RBFOX1: variants seen among roughly 807,000 people sequenced by gnomAD.
RBFOX1 encodes RNA binding protein fox-1 homolog 1.
Under a neutral mutation model 57.7 loss-of-function variants are expected in RBFOX1, and 8 were observed. That is an observed-to-expected ratio of 0.14 (90% CI 0.08 to 0.25). RBFOX1 has a LOEUF of 0.25. Among genes scored for constraint, RBFOX1 ranks in the 10% least tolerant of loss-of-function variants. The pLI is 1.00. For synonymous variants in RBFOX1, 326 were observed against 222.4 expected (o/e 1.47, Z -4.15); for missense variants, 611 against 548.5 (o/e 1.11, Z -1.14).
At position 5,946,206 on chromosome 16, in the gene RBFOX1, C is replaced by T. The variant is rs1441883811; in HGVS notation, c.351+78871C>T. Among the ~76,000 whole-genome samples, 4 of 152,202 alleles carry T rather than the reference C, an allele frequency of 2.6e-5. No individual in the cohort carries two copies. Among genetic ancestry groups the T allele is most frequent in the Non-Finnish European group, 5.9e-5 (4 of 68,046 alleles). ...GACGGCCCGAGGTGGGGGCCAGGCT[C>T]TGCCACATTAGATGCCTTCACGTCT... is the stretch of plus-strand genomic sequence containing the variant. On this transcript the variant is annotated intron_variant, in intron 4 of 19. Transcript: ENST00000641259. This position sits in a 1 kb window ranked among gnomAD's most constrained non-coding sequence, Gnocchi z 4.6.
At chr16:7,702,910 G>A (rs17768398) in intron 14 of RBFOX1, among the ~76,000 whole-genome samples, 2 of 152,128 alleles carry the variant, frequency 1.3e-5, no homozygotes, top group East Asian at 1.9e-4. Flanking sequence ...ATGAATATCT[G>A]AGTGGGATGA....
intron 14 of RBFOX1, among the ~76,000 whole-genome samples, chr16:7,705,719 G>T (rs2082222599): frequency 6.6e-6 from 1 of 152,122 alleles, no homozygotes; most frequent in Non-Finnish European, 1.5e-5. Flanking sequence ...TTTGATACAT[G>T]TAAATAGCTG....
chr16:5,428,738 C>T (rs1336780041), intron 1 of RBFOX1, among the ~76,000 whole-genome samples: 2 of 152,040 alleles, frequency 1.3e-5, no homozygotes. Flanking sequence ...GAGAGGAGGC[C>T]AGGAGGTTTC....
intron 5 of RBFOX1, among the ~76,000 whole-genome samples, chr16:7,530,057 A>C (rs1302322798): frequency 6.6e-6 from 1 of 151,292 alleles, no homozygotes; most frequent in Non-Finnish European, 1.5e-5. Context: ...TTTAAGGGAG[A>C]CTGTATTTCA....
intron 4 of RBFOX1, among the ~76,000 whole-genome samples, chr16:7,220,500 A>G (rs931446026): frequency 6.6e-6 from 1 of 152,176 alleles, no homozygotes; most frequent in Non-Finnish European, 1.5e-5. Context: ...AGTTGCTGAG[A>G]TTTGATTATG....
At chr16:7,081,814 C>T (rs900068224) in intron 4 of RBFOX1, among the ~76,000 whole-genome samples, 1 of 152,094 alleles carries the variant, frequency 6.6e-6, no homozygotes, top group African/African-American at 2.4e-5. Context: ...AATAGGATTG[C>T]TCTTATTGAT....
At chr16:5,290,846 C>A (rs2063516669) in intron 1 of RBFOX1, among the ~76,000 whole-genome samples, 1 of 151,960 alleles carries the variant, frequency 6.6e-6, no homozygotes, top group Non-Finnish European at 1.5e-5. Flanking sequence ...TTACAGGCAC[C>A]CACCACCACA....
At chr16:5,386,394 G>T (rs1231351933) in intron 1 of RBFOX1, among the ~76,000 whole-genome samples, 1 of 152,108 alleles carries the variant, frequency 6.6e-6, no homozygotes, top group Non-Finnish European at 1.5e-5. Context: ...GGTGATTAAT[G>T]CACGTGGCCC....
Position 5,598,689 on chromosome 16 carries a change from C to T in RBFOX1, c.259-213C>T, listed in dbSNP as rs1236602330. Among the ~76,000 whole-genome samples the T allele has an allele frequency of 2.0e-5, 3 of 152,208 alleles. No homozygotes were observed. In the East Asian group the frequency reaches 5.8e-4, roughly 29 times the overall value. On this transcript the variant is annotated intron_variant, in intron 2 of 2. Transcript: ENST00000585867. ...TACAGCCCATTTCAATGAGACTAGC[C>T]ACGGGGCTTTGTAGCCATATCGGGC...
intron 3 of RBFOX1, among the ~76,000 whole-genome samples, chr16:6,818,401 C>T (rs138933432): frequency 4.5e-4 from 69 of 152,080 alleles, no homozygotes; most frequent in African/African-American, 1.6e-3. Flanking sequence ...AAATGAACTT[C>T]ATCTGACGTA....
intron 3 of RBFOX1, among the ~76,000 whole-genome samples, chr16:6,796,794 C>G (rs899216628): frequency 2.0e-5 from 3 of 152,260 alleles, no homozygotes; most frequent in African/African-American, 7.2e-5. Flanking sequence ...TTCTATGTCC[C>G]TCAGTCATAA....
At chr16:5,447,671 C>G (rs1184083958) in intron 1 of RBFOX1, among the ~76,000 whole-genome samples, 1 of 152,252 alleles carries the variant, frequency 6.6e-6, no homozygotes, top group Non-Finnish European at 1.5e-5. Context: ...GCTGGGATTA[C>G]TGGCATGAGC....
At chr16:6,483,105 C>T (rs973988819) in intron 2 of RBFOX1, 2 of 1,016,080 alleles carry the variant, frequency 2.0e-6, no homozygotes, top group Non-Finnish European at 2.4e-6. Context: ...GCGGGACCCA[C>T]GCAGCCCCAG....
intron 4 of RBFOX1, among the ~76,000 whole-genome samples, chr16:7,233,193 G>A (rs2093598933): frequency 6.7e-6 from 1 of 148,592 alleles, no homozygotes; most frequent in South Asian, 2.1e-4. Flanking sequence ...TCTGGCTCCT[G>A]CCAACCTTGC....
At chr16:6,107,645 A>T (rs1374071687) in intron 1 of RBFOX1, among the ~76,000 whole-genome samples, 1 of 147,392 alleles carries the variant, frequency 6.8e-6, no homozygotes, top group African/African-American at 2.5e-5. Flanking sequence ...GAATTGGTGG[A>T]CGGATGAAAG....
At chr16:6,709,841 G>T (rs189231253) in intron 3 of RBFOX1, among the ~76,000 whole-genome samples, 288 of 152,224 alleles carry the variant, frequency 1.9e-3, no homozygotes, top group Non-Finnish European at 3.5e-3. Flanking sequence ...ACGCTGGCTG[G>T]TACACAACCG....
intron 2 of RBFOX1, among the ~76,000 whole-genome samples, chr16:6,375,726 G>A (rs984977609): frequency 6.6e-6 from 1 of 152,098 alleles, no homozygotes; most frequent in African/African-American, 2.4e-5. Context: ...AGGTCACCTG[G>A]CTCTGGTTTC....
chr16:6,406,272 C>T (rs535334855), intron 2 of RBFOX1, among the ~76,000 whole-genome samples: 3 of 152,306 alleles, frequency 2.0e-5, no homozygotes, highest in Admixed American at 6.5e-5. Context: ...AGCCTCCTGT[C>T]ATCTGGGACT....
At position 7,302,948 on chromosome 16, in the gene RBFOX1, TA is replaced by T. The variant is rs567538434; in HGVS notation, c.28-215191del. On this transcript the variant is annotated intron_variant, in intron 4 of 15. Coordinates refer to ENST00000550418, the MANE Select transcript of RBFOX1 (RefSeq NM_018723.4). ...CCAAGGAGGGCTGGACAGGCAAGAA[TA>T]AAAAAAATAAATAAATAAACCATTG... Among the ~76,000 whole-genome samples, 466 of 151,806 alleles carry T rather than the reference TA, an allele frequency of 3.1e-3. 1 individual carries two copies. Among genetic ancestry groups the T allele is most frequent in the Non-Finnish European group, 3.2e-3 (219 of 67,892 alleles).
Sources: allele counts gnomAD v4.1 joint callset (sites outside exome capture counted in the v4.1 genomes callset), GRCh38; gene constraint gnomAD v4.1.1; non-coding constraint Gnocchi (gnomAD v3.1); transcripts MANE v1.5; gene names NCBI Gene and HGNC (gene_info 2026-07-23, HGNC 2026-07-21).